RIC1: variants seen among roughly 807,000 people sequenced by gnomAD.
The protein encoded by RIC1 is RIC1 partner of RAB6A GEF complex.
Under a neutral mutation model 169.0 loss-of-function variants are expected in RIC1, and 88 were observed. The observed-to-expected ratio is 0.52, with a 90% confidence interval of 0.44 to 0.62. The LOEUF (loss-of-function observed/expected upper bound fraction) is 0.62. Among genes scored for constraint, RIC1 ranks in the 20% least tolerant of loss-of-function variants. The probability of loss-of-function intolerance (pLI) is 0.00; values close to 1 mark genes in which losing one functional copy is unlikely to be tolerated. For missense variants in RIC1, 1,877 were observed against 1,725.5 expected, an observed-to-expected ratio of 1.09 and a Z score of -1.56; for synonymous variants, 790 against 601.5, an observed-to-expected ratio of 1.31 and a Z score of -4.59.
intron 8 of RIC1, among the ~76,000 whole-genome samples, chr9:5,741,112 G>A (rs1037722374): frequency 2.0e-5 from 3 of 152,152 alleles, no homozygotes; most frequent in African/African-American, 7.2e-5. Flanking sequence ...TTGGTGTGCT[G>A]TTTTGGATTG....
At chr9:5,714,150 GAC>G in intron 4 of RIC1, 147 bp downstream of exon 4, 1 of 471,780 alleles carries the variant, frequency 2.1e-6, no homozygotes, top group Non-Finnish European at 3.7e-6. Context: ...ACCCTTATAA[GAC>G]AATGGAAGTT....
chr9:5,759,847 G>A (rs561509219), intron 17 of RIC1, among the ~76,000 whole-genome samples: 1 of 152,264 alleles, frequency 6.6e-6, no homozygotes, highest in Non-Finnish European at 1.5e-5. Flanking sequence ...GATAATGGCA[G>A]TGTGAAAGTT....
At chr9:5,682,123 C>CTG (rs1052068730) in intron 2 of RIC1, among the ~76,000 whole-genome samples, 2 of 152,162 alleles carry the variant, frequency 1.3e-5, no homozygotes, top group African/African-American at 4.8e-5. Flanking sequence ...ATTTGCCAGT[C>CTG]TGTGTCTTTT....
intron 1 of RIC1, among the ~76,000 whole-genome samples, chr9:5,643,435 G>A (rs1182295145): frequency 6.6e-6 from 1 of 152,104 alleles, no homozygotes; most frequent in Non-Finnish European, 1.5e-5. Flanking sequence ...TTGAGCCTAG[G>A]AGGTTGAGGC....
Position 5,762,557 on chromosome 9 carries a change from G to A in RIC1, c.2009G>A (p.Ser670Asn), listed in dbSNP as rs773020560. The A allele has an allele frequency of 6.2e-7, 1 of 1,613,928 alleles. No homozygotes were observed. The highest frequency in any genetic ancestry group is 8.5e-7 in the Non-Finnish European group (1 of 1,179,890). ...AAATTTCAGGCTCGTGGTGCAGAGA[G>A]CATTATGTTAAACCTGGCAGGACAG... ...KMPQQARGAESIMLNLAGQLI... is the reference protein window; with the variant it reads ...KMPQQARGAENIMLNLAGQLI... Residue 670 changes from serine to asparagine, a missense_variant, in exon 18 of 26, where the codon AGC (serine) becomes AAC (asparagine). This residue lies in a region of RIC1 where 1,104 missense variants were observed against 992.0 expected (regional missense o/e 1.11). Coordinates refer to ENST00000414202, the MANE Select transcript of RIC1 (RefSeq NM_020829.4).
At chr9:5,651,933 A>G (rs1310841971) in intron 1 of RIC1, among the ~76,000 whole-genome samples, 2 of 152,144 alleles carry the variant, frequency 1.3e-5, no homozygotes, top group African/African-American at 2.4e-5. Flanking sequence ...ATTCTTTTGC[A>G]TGTGGCTATC....
At chr9:5,651,395 A>C (rs1208720830) in intron 1 of RIC1, among the ~76,000 whole-genome samples, 1 of 151,676 alleles carries the variant, frequency 6.6e-6, no homozygotes, top group Non-Finnish European at 1.5e-5. Context: ...TGATGTCTCT[A>C]GTCAGCTATC....
At chr9:5,638,995 A>T (rs968826610) in intron 1 of RIC1, among the ~76,000 whole-genome samples, 1 of 152,094 alleles carries the variant, frequency 6.6e-6, no homozygotes. Context: ...GTCTCACTGT[A>T]GCCTCAACCT....
chr9:5,740,997 A>G (rs1396129349), intron 8 of RIC1, among the ~76,000 whole-genome samples: 1 of 152,132 alleles, frequency 6.6e-6, no homozygotes, highest in Non-Finnish European at 1.5e-5. Context: ...AACCTCCCAT[A>G]CATCCCTTGG....
rs1286761233 is a variant in RIC1 at position 5,763,925 on chromosome 9, T to C, written c.2841+57T>C. ...ATTAATGAGCTTAAACTTAGAAAAA[T>C]AGAAATGTCCTGTTTTGACACCATG... On this transcript the variant is annotated intron_variant, in intron 19 of 25. Coordinates refer to ENST00000414202, the MANE Select transcript of RIC1 (RefSeq NM_020829.4). The surrounding 1 kb of genome is among the most constrained non-coding windows in gnomAD (Gnocchi z 5.2). 1.9e-5 allele frequency: 28 copies of C among 1,509,444 alleles called. No homozygotes were observed. Among genetic ancestry groups the C allele is most frequent in the Admixed American group, 4.3e-5 (2 of 46,514 alleles). The allele number at this position is 1,509,444 out of a possible 1,614,324, so 93.5% of individuals were successfully genotyped here.
At position 5,765,575 on chromosome 9, in the gene RIC1, T is replaced by C; in HGVS notation, c.3000+3T>C. The C allele has an allele frequency of 6.2e-7, 1 of 1,613,994 alleles. No individual in the cohort carries two copies. Among genetic ancestry groups the C allele is most frequent in the Non-Finnish European group, 8.5e-7 (1 of 1,179,910 alleles). On this transcript the variant is annotated splice_donor_region_variant and intron_variant, in intron 20 of 25. Transcript: ENST00000414202. ...CTCCATCCACACCCACAGCTCAGGT[T>C]AGTTGCAAAAGTTACACATCTTCTC...
intron 2 of RIC1, among the ~76,000 whole-genome samples, chr9:5,677,876 T>C (rs181050393): frequency 6.6e-6 from 1 of 152,182 alleles, no homozygotes; most frequent in East Asian, 1.9e-4. Flanking sequence ...ATACTTTAAG[T>C]TTTAGGGTAC....
At chr9:5,668,951 C>T (rs893716140) in intron 2 of RIC1, among the ~76,000 whole-genome samples, 2 of 152,008 alleles carry the variant, frequency 1.3e-5, no homozygotes, top group African/African-American at 4.8e-5. Flanking sequence ...TTTTCTGTTT[C>T]TTTTTATGTG....
At chr9:5,669,324 A>G (rs1008185349) in intron 2 of RIC1, among the ~76,000 whole-genome samples, 6 of 152,102 alleles carry the variant, frequency 3.9e-5, no homozygotes, top group African/African-American at 1.4e-4. Flanking sequence ...CCATTGTATC[A>G]TTATTATGTC....
rs112794587 is a variant in RIC1, at chr9:5,674,325, A to T, written c.253-15634A>T. Among the ~76,000 whole-genome samples, 191 of 152,296 alleles carry T rather than the reference A, an allele frequency of 1.3e-3. 2 individuals are homozygous for T. Among genetic ancestry groups the T allele is most frequent in the African/African-American group, 4.4e-3 (183 of 41,566 alleles). On this transcript the variant is annotated intron_variant, in intron 2 of 25. Coordinates refer to ENST00000414202, the MANE Select transcript of RIC1 (RefSeq NM_020829.4). Reference sequence around the variant, plus strand: ...TGAATTTTAAAATTCATATAAGCTAAAATGTTAATTCATGTTTTAAATAGC... The same window carrying T: ...TGAATTTTAAAATTCATATAAGCTATAATGTTAATTCATGTTTTAAATAGC...
intron 2 of RIC1, among the ~76,000 whole-genome samples, chr9:5,664,952 C>G (rs1819663209): frequency 6.6e-6 from 1 of 152,172 alleles, no homozygotes; most frequent in Non-Finnish European, 1.5e-5. Flanking sequence ...TGTTTCTGAG[C>G]TCTAACAGGT....
chr9:5,737,840 G>T (rs937500683), intron 7 of RIC1, among the ~76,000 whole-genome samples: 12 of 151,434 alleles, frequency 7.9e-5, no homozygotes, highest in African/African-American at 2.9e-4. Context: ...TAAGAGAAAA[G>T]ATTATTAAGA....
chr9:5,629,684 T>C (rs184174679), intron 1 of RIC1, among the ~76,000 whole-genome samples: 4 of 152,126 alleles, frequency 2.6e-5, no homozygotes, highest in African/African-American at 9.6e-5. Flanking sequence ...CGAAAATCCC[T>C]GAGCCTCCCC....
At chr9:5,727,576 C>G (rs573625377) in intron 6 of RIC1, among the ~76,000 whole-genome samples, 2 of 152,304 alleles carry the variant, frequency 1.3e-5, no homozygotes, top group East Asian at 1.9e-4. Context: ...GAGCTTTGTT[C>G]CATTGCTGGC....
Sources: gnomAD v4.1 joint callset for allele counts (sites outside exome capture counted in the v4.1 genomes callset) on GRCh38, gnomAD v4.1.1 for gene constraint, gnomAD v4.1.1 regional missense constraint, Gnocchi (gnomAD v3.1) non-coding constraint, MANE v1.5 for transcripts, NCBI Gene and HGNC (gene_info 2026-07-23, HGNC 2026-07-21) for gene names.